HSPH1: variants seen among roughly 807,000 people sequenced by gnomAD.
HSPH1 encodes the protein heat shock protein 105 kDa.
Under a neutral mutation model 100.0 loss-of-function variants are expected in HSPH1, and 40 were observed. That is an observed-to-expected ratio of 0.40 (90% CI 0.31 to 0.52). The LOEUF is 0.52. Ranked by LOEUF, HSPH1 falls within the 20% of genes least tolerant of loss-of-function variation. The pLI, the probability that HSPH1 is intolerant of heterozygous loss-of-function variation, is 0.54. For missense variants in HSPH1, 876 were observed against 1,015.1 expected, an observed-to-expected ratio of 0.86 and a Z score of 1.86; for synonymous variants, 403 against 344.0, an observed-to-expected ratio of 1.17 and a Z score of -1.90.
Position 31,136,000 on chromosome 13 carries a change from C to A in HSPH1, c.*1318G>T, listed in dbSNP as rs1161707311. On this transcript the variant is annotated 3_prime_UTR_variant, in exon 18 of 18. Transcript: ENST00000320027. ...ACGAACTTGGGCAACATAGCGAAAC[C>A]CCAGCTCTACCAAAAAAAAAAAAAG... 6.6e-6 allele frequency: 1 copy of A among 151,806 alleles called. No individual in the cohort carries two copies. Among genetic ancestry groups the A allele is most frequent in the Non-Finnish European group, 1.5e-5 (1 of 67,976 alleles). 9.4% of individuals were successfully genotyped at this position (151,806 alleles called of 1,614,324 possible). A position where few individuals can be genotyped will look rare whatever the true frequency, so the allele number is the denominator to read the frequency against.
Position 31,136,357 on chromosome 13 carries a change from G to C in HSPH1, c.*961C>G. 6.6e-6 allele frequency: 1 copy of C among 151,796 alleles called. No individual in the cohort carries two copies. The highest frequency in any genetic ancestry group is 1.9e-4 in the East Asian group (1 of 5,186). The allele number at this position is 151,796 out of a possible 1,614,324, so 9.4% of individuals were successfully genotyped here. The stretch of plus-strand genomic sequence containing the variant: ...ACACAAATATACCCCCATCATTAGG[G>C]GTAAAAGGCTCCAAGGATGTATAAC... On this transcript the variant is annotated 3_prime_UTR_variant, in exon 18 of 18. Coordinates refer to ENST00000320027, the MANE Select transcript of HSPH1 (RefSeq NM_006644.4).
In HSPH1 at chr13:31,140,044, C is replaced by T. The variant is rs115771695; in HGVS notation, c.1980+140G>A. The T allele has an allele frequency of 1.4e-3, 1,069 of 781,310 alleles. 13 individuals carry two copies. The African/African-American group carries it at 0.015, about 11-fold the overall frequency. The allele number at this position is 781,310 out of a possible 1,614,324, so 48.4% of individuals were successfully genotyped here. On this transcript the variant is annotated intron_variant, in intron 14 of 17. Transcript: ENST00000320027. ...AATAAAACTGCTCATCAGCAACAAG[C>T]CTTTCTCCATAACTTTGTTTTCTGT...
intron 10 of HSPH1, among the ~76,000 whole-genome samples, 163 bp from the exon 11 acceptor site, chr13:31,145,931 G>C (rs1174815377): frequency 6.6e-6 from 1 of 151,936 alleles, no homozygotes; most frequent in South Asian, 2.1e-4. Context: ...GCCTGGGCAA[G>C]ATAGTGAGAT....
At position 31,137,501 on chromosome 13, in the gene HSPH1, G is replaced by T. The variant is rs139072891; in HGVS notation, c.2394C>A (p.Pro798=). 10 of 1,612,952 alleles carry T rather than the reference G, an allele frequency of 6.2e-6. No homozygotes were observed. The highest frequency in any genetic ancestry group is 6.8e-6 in the Non-Finnish European group (8 of 1,179,394). ...TTTTTGGTTTCGGTTGTGTTACAAC[G>T]GGTTCACATGTGTTGTTCAATTCCT... ...KIKELNNTCE[P]VVTQPKPKIE... is the part of the protein sequence containing the mutation. The change falls in exon 18 of 18, where the codon CCC becomes CCA. Residue 798 remains proline, a synonymous_variant. Transcript: ENST00000320027.
intron 3 of HSPH1, 151 bp downstream of exon 3, chr13:31,155,363 G>A (rs976338803): frequency 2.4e-5 from 12 of 496,780 alleles, no homozygotes; most frequent in South Asian, 7.8e-5. Context: ...ACAATTTAGC[G>A]TCTATCTACT....
rs560796126 is a variant in HSPH1 at position 31,161,666 on chromosome 13, C to A, written c.-84G>T. The A allele has an allele frequency of 2.2e-5, 35 of 1,577,022 alleles. 1 individual carries two copies. The South Asian group carries it at 3.8e-4, about 17-fold the overall frequency. The stretch of plus-strand genomic sequence containing the variant: ...CTGCTTCTCCTGCCGCCGCTTTCTG[C>A]CCTGGCCGCGTTCTGCTCCGGCCCG... On this transcript the variant is annotated 5_prime_UTR_variant, in exon 1 of 18. Transcript: ENST00000320027.
In HSPH1 at chr13:31,154,677, C is replaced by A; in HGVS notation, c.385G>T (p.Ala129Ser). The change falls in exon 4 of 18, where the codon GCT becomes TCT. Residue 129 changes from alanine (A) to serine (S), a missense_variant. Transcript: ENST00000320027. ...AMLLTKLKET[A>S]ENSLKKPVTD... ...ACTGGTTTCTTGAGGCTGTTTTCAG[C>A]AGTTTCCTTCAGCTTAGTCAACAAC... 1 of 1,614,024 alleles carries A rather than the reference C, an allele frequency of 6.2e-7. No individual in the cohort carries two copies. The highest frequency in any genetic ancestry group is 8.5e-7 in the Non-Finnish European group (1 of 1,179,900).
chr13:31,150,398 C>T (rs1255500711), intron 7 of HSPH1, among the ~76,000 whole-genome samples: 2 of 152,142 alleles, frequency 1.3e-5, no homozygotes, highest in Non-Finnish European at 2.9e-5. Flanking sequence ...TGGTATTACT[C>T]AAACAAATCA....
rs140942898 is a variant in HSPH1 at position 31,160,272 on chromosome 13, C to T, written c.107+1204G>A. Among the ~76,000 whole-genome samples the T allele has an allele frequency of 7.9e-4, 121 of 152,222 alleles. 2 individuals carry two copies. In the East Asian group the frequency reaches 8.5e-3, roughly 11 times the overall value. ...AAACTCCAATTAAAAAAACCTTAAC[C>T]AAAACACAAACTTAGATCTGCAGGG... On this transcript the variant is annotated intron_variant, in intron 1 of 17. Coordinates refer to ENST00000320027, the MANE Select transcript of HSPH1 (RefSeq NM_006644.4).
chr13:31,153,382 A>T (rs1956557171), intron 4 of HSPH1, among the ~76,000 whole-genome samples: 1 of 152,236 alleles, frequency 6.6e-6, no homozygotes, highest in Non-Finnish European at 1.5e-5. Flanking sequence ...AACTACAGGA[A>T]CTTAAAGAGC....
At chr13:31,141,290 T>C in intron 12 of HSPH1, 31 bp from the exon 13 acceptor site, 1 of 1,556,122 alleles carries the variant, frequency 6.4e-7, no homozygotes, top group Non-Finnish European at 8.7e-7. Context: ...AAGGAAAAAA[T>C]TTTAAACAAC....
At chr13:31,140,047 T>A (rs1956032421) in intron 14 of HSPH1, 137 bp downstream of exon 14, 2 of 818,342 alleles carry the variant, frequency 2.4e-6, no homozygotes, top group East Asian at 2.5e-5. Flanking sequence ...CAACAAGCCT[T>A]TCTCCATAAC....
rs138665597 is a variant in HSPH1, at chr13:31,154,458, G to A, written c.429+175C>T. On this transcript the variant is annotated intron_variant, in intron 4 of 17. Coordinates refer to ENST00000320027, the MANE Select transcript of HSPH1 (RefSeq NM_006644.4). Reference sequence around the variant, plus strand: ...CCAGTCAAGAACCTTTGCCGCTTCTGGCTAAAAATATCACTCAAATCTACT... The same window carrying A: ...CCAGTCAAGAACCTTTGCCGCTTCTAGCTAAAAATATCACTCAAATCTACT... 3.4e-4 allele frequency: 244 copies of A among 724,982 alleles called. No individual in the cohort carries two copies. In the African/African-American group the frequency reaches 3.9e-3, roughly 12 times the overall value. 44.9% of individuals were successfully genotyped at this position (724,982 alleles called of 1,614,324 possible).
rs1757145403 is a variant in HSPH1, at chr13:31,140,236, T to A, written c.1928A>T (p.Tyr643Phe). ...DAKNAVEEYV[Y>F]EFRDKLCGPY... Reference sequence around the variant, plus strand: ...TCCACACAGCTTGTCTCTGAACTCATACACATATTCCTCAACTGCATTTTT... The same window carrying A: ...TCCACACAGCTTGTCTCTGAACTCAAACACATATTCCTCAACTGCATTTTT... The change falls in exon 14 of 18, where the codon TAT (tyrosine) becomes TTT (phenylalanine). Residue 643 changes from tyrosine (Y) to phenylalanine (F), a missense_variant. Physicochemically the swap from Tyr to Phe is conservative, Grantham distance 22 (BLOSUM62 3). Transcript: ENST00000320027. 1 of 1,611,858 alleles carries A rather than the reference T, an allele frequency of 6.2e-7. No individual in the cohort carries two copies. The highest frequency in any genetic ancestry group is 1.1e-5 in the South Asian group (1 of 91,010).
At chr13:31,137,806 G>A (rs1472360062) in intron 17 of HSPH1, among the ~76,000 whole-genome samples, 1 of 152,114 alleles carries the variant, frequency 6.6e-6, no homozygotes, top group Non-Finnish European at 1.5e-5. Flanking sequence ...CTTCATGGAA[G>A]ACAATGGTTC....
Position 31,150,133 on chromosome 13 carries a change from G to A in HSPH1, c.958C>T (p.Pro320Ser), listed in dbSNP as rs1444292794. The A allele has an allele frequency of 1.9e-6, 3 of 1,611,034 alleles. No homozygotes were observed. The highest frequency in any genetic ancestry group is 1.3e-5 in the African/African-American group (1 of 74,830). Reference sequence around the variant, plus strand: ...GTTTGTTCCAACAGTGAATAAAGGGGTACTTCTATCTTTTGCAGAAGTTCA... The same window carrying A: ...GTTTGTTCCAACAGTGAATAAAGGGATACTTCTATCTTTTGCAGAAGTTCA... ...CAELLQKIEV[P>S]LYSLLEQTHL... is the part of the protein sequence containing the mutation. Residue 320 changes from proline to serine, a missense_variant, in exon 8 of 18, where the codon CCC (proline) becomes TCC (serine). Coordinates refer to ENST00000320027, the MANE Select transcript of HSPH1 (RefSeq NM_006644.4).
rs7982141 is a variant in HSPH1 at position 31,136,218 on chromosome 13, C to A, written c.*1100G>T. On this transcript the variant is annotated 3_prime_UTR_variant, in exon 18 of 18. Transcript: ENST00000320027. ...ATAGCAAGATTGGTATTTTTAAGTA[C>A]GTCTTTATAATGAACTCACTACATT... 5 of 152,154 alleles carry A rather than the reference C, an allele frequency of 3.3e-5. No individual in the cohort carries two copies. Among genetic ancestry groups the A allele is most frequent in the Non-Finnish European group, 7.3e-5 (5 of 68,040 alleles). 9.4% of individuals were successfully genotyped at this position (152,154 alleles called of 1,614,324 possible). A position where few individuals can be genotyped will look rare whatever the true frequency, so the allele number is the denominator to read the frequency against.
At chr13:31,143,743 T>A in intron 12 of HSPH1, 49 bp downstream of exon 12, 1 of 1,509,184 alleles carries the variant, frequency 6.6e-7, no homozygotes, top group South Asian at 1.3e-5. Context: ...TCATTAATGA[T>A]TACACTTTGC....
intron 9 of HSPH1, 54 bp from the exon 10 acceptor site, chr13:31,148,146 CTGTGCTACACAA>C: frequency 6.6e-7 from 1 of 1,513,520 alleles, no homozygotes; most frequent in South Asian, 1.2e-5. Context: ...AATATGCTTA[CTGTGCTACACAA>C]ACAGAAAAGA....
Sources: allele counts gnomAD v4.1 joint callset (sites outside exome capture counted in the v4.1 genomes callset), GRCh38; gene constraint gnomAD v4.1.1; transcripts MANE v1.5; gene names NCBI Gene and HGNC (gene_info 2026-07-23, HGNC 2026-07-21).